The following SLC37A1 variants were observed in gnomAD, a reference collection of about 807,000 sequenced individuals.
SLC37A1 encodes glucose-6-phosphate exchanger SLC37A1.
A neutral mutation model predicts 75.3 loss-of-function variants in SLC37A1; 49 were observed. The observed-to-expected ratio is 0.65, with a 90% CI of 0.52 to 0.83. The LOEUF (loss-of-function observed/expected upper bound fraction) is 0.83, where lower values mean the gene tolerates loss of function less well. Among genes scored for constraint, SLC37A1 ranks in the 40% least tolerant of loss-of-function variants. SLC37A1 has a pLI of 0.00. For synonymous variants in SLC37A1, 268 were observed against 292.1 expected (o/e 0.92, Z 0.84); for missense variants, 566 against 695.0 (o/e 0.81, Z 2.09).
intron 3 of SLC37A1, 189 bp downstream of exon 3, chr21:42,526,046 T>A: frequency 1.8e-6 from 1 of 542,730 alleles, no homozygotes. Flanking sequence ...GTTTTTTGGA[T>A]TTATACTTTC....
At position 42,530,595 on chromosome 21, in the gene SLC37A1, TACACACACACACAC is replaced by T. The variant is rs71190427; in HGVS notation, c.139-4056_139-4043del. ...TAGACAGATCGTCAAATGCAGATGA[TACACACACACACAC>T]ACACACACACACACACACACACACA... On this transcript the variant is annotated intron_variant, in intron 3 of 19. Coordinates refer to ENST00000352133, the MANE Select transcript of SLC37A1 (RefSeq NM_001320537.2). Among the ~76,000 whole-genome samples the T allele has an allele frequency of 3.3e-3, 345 of 103,216 alleles. 3 individuals carry two copies. The highest frequency in any genetic ancestry group is 8.4e-3 in the East Asian group (29 of 3,436). 67.7% of individuals were successfully genotyped at this position (103,216 alleles called of 152,430 possible).
chr21:42,519,979 T>C (rs1177329390), intron 2 of SLC37A1, among the ~76,000 whole-genome samples: 1 of 152,088 alleles, frequency 6.6e-6, no homozygotes, highest in Admixed American at 6.5e-5. Flanking sequence ...TGTGTGTGTG[T>C]GTGTGCATGT....
At chr21:42,570,697 TAA>T (rs1271486709) in intron 17 of SLC37A1, among the ~76,000 whole-genome samples, 1 of 152,050 alleles carries the variant, frequency 6.6e-6, no homozygotes, top group East Asian at 1.9e-4. Context: ...AGGATCAGCA[TAA>T]AAAAAGAGAA....
chr21:42,518,448 G>A lies in SLC37A1; in HGVS notation c.-7G>A, dbSNP rs778841106. 2.5e-6 allele frequency: 4 copies of A among 1,614,118 alleles called. No individual in the cohort carries two copies. Among genetic ancestry groups the A allele is most frequent in the Non-Finnish European group, 2.5e-6 (3 of 1,180,016 alleles). ...CGACCGAGGCTCAGTGGTCAGTGGC[G>A]ACGTAAATGGCTCGACTCCCCGCTG... is the stretch of plus-strand genomic sequence containing the variant. On this transcript the variant is annotated 5_prime_UTR_variant, in exon 2 of 20. Transcript: ENST00000352133.
intron 11 of SLC37A1, chr21:42,561,678 T>A (rs2055833170): frequency 5.3e-6 from 1 of 190,366 alleles, no homozygotes; most frequent in Non-Finnish European, 1.1e-5. Flanking sequence ...GACTCTGATG[T>A]AAAGACACTG....
At chr21:42,573,443 C>G (rs1163587602) in intron 17 of SLC37A1, among the ~76,000 whole-genome samples, 1 of 152,146 alleles carries the variant, frequency 6.6e-6, no homozygotes, top group African/African-American at 2.4e-5. Flanking sequence ...ACACTGGAGG[C>G]TGTGTTAGCT....
intron 8 of SLC37A1, among the ~76,000 whole-genome samples, chr21:42,546,229 C>T (rs1404312992): frequency 6.6e-6 from 1 of 152,200 alleles, no homozygotes; most frequent in Admixed American, 6.5e-5. Flanking sequence ...TCTGGGTTCC[C>T]GCATTGCTCG....
At chr21:42,578,675 C>G (rs757088667) in intron 18 of SLC37A1, among the ~76,000 whole-genome samples, 1 of 152,212 alleles carries the variant, frequency 6.6e-6, no homozygotes, top group African/African-American at 2.4e-5. Flanking sequence ...ACCTAATTGT[C>G]GCAAACACCT....
At chr21:42,535,249 C>G (rs750615984) in intron 4 of SLC37A1, among the ~76,000 whole-genome samples, 1 of 152,230 alleles carries the variant, frequency 6.6e-6, no homozygotes, top group Non-Finnish European at 1.5e-5. Flanking sequence ...ATCTGAATGA[C>G]GCCTGTATTA....
At chr21:42,517,524 A>C (rs538595806) in intron 1 of SLC37A1, among the ~76,000 whole-genome samples, 3 of 152,224 alleles carry the variant, frequency 2.0e-5, no homozygotes, top group Non-Finnish European at 4.4e-5. Flanking sequence ...GAGGGAGGCA[A>C]AAGTGAATGT....
At position 42,548,917 on chromosome 21, in the gene SLC37A1, G is replaced by A. The variant is rs999255571; in HGVS notation, c.768+1777G>A. ...CTGTCTTTTCATACCTCGGGCTCCT[G>A]GGTGTGATTCATATGGAAAGAAGGG... On this transcript the variant is annotated intron_variant, in intron 9 of 19. Coordinates refer to ENST00000352133, the MANE Select transcript of SLC37A1 (RefSeq NM_001320537.2). This position sits in a 1 kb window ranked among gnomAD's most constrained non-coding sequence, Gnocchi z 5.6. Among the ~76,000 whole-genome samples the A allele has an allele frequency of 6.6e-6, 1 of 152,164 alleles. No homozygotes were observed. Among genetic ancestry groups the A allele is most frequent in the Non-Finnish European group, 1.5e-5 (1 of 68,032 alleles).
chr21:42,515,376 T>G lies in SLC37A1; in HGVS notation c.-179+659T>G, dbSNP rs543018676. On this transcript the variant is annotated intron_variant, in intron 1 of 19. Coordinates refer to ENST00000352133, the MANE Select transcript of SLC37A1 (RefSeq NM_001320537.2). ...AAAGTGAGACCCAGTTAAAAAAAAA[T>G]GTCATAAAGTAGATTATTTAAAATA... Among the ~76,000 whole-genome samples, 15 of 152,026 alleles carry G rather than the reference T, an allele frequency of 9.9e-5. No homozygotes were observed. The East Asian group carries it at 2.9e-3, about 29-fold the overall frequency.
At chr21:42,501,995 A>T (rs2054346116) in intron 1 of SLC37A1, among the ~76,000 whole-genome samples, 1 of 152,198 alleles carries the variant, frequency 6.6e-6, no homozygotes, top group Non-Finnish European at 1.5e-5. Flanking sequence ...TTCCCAGAAT[A>T]AGGCTCCCCC....
intron 18 of SLC37A1, chr21:42,576,062 G>C: frequency 4.8e-6 from 3 of 631,288 alleles, no homozygotes; most frequent in South Asian, 1.4e-4. Context: ...CCAGGAGCCA[G>C]AATTGTAAAG....
At chr21:42,575,078 G>A (rs1028284170) in intron 18 of SLC37A1, 163 bp downstream of exon 18, 4 of 981,738 alleles carry the variant, frequency 4.1e-6, no homozygotes, top group Non-Finnish European at 4.8e-6. Context: ...TTCTCTCTCT[G>A]ATTAGAAAAA....
At chr21:42,511,076 A>T (rs1007896177), upstream of SLC37A1, among the ~76,000 whole-genome samples, 1 of 152,246 alleles carries the variant, frequency 6.6e-6, no homozygotes, top group African/African-American at 2.4e-5. Flanking sequence ...TCTAGGATAG[A>T]TCATATGTTA....
At chr21:42,564,914 C>T in intron 14 of SLC37A1, 121 bp downstream of exon 14, 1 of 841,970 alleles carries the variant, frequency 1.2e-6, no homozygotes, top group South Asian at 1.6e-5. Flanking sequence ...CCGCTTCATT[C>T]CCTCTCATGC....
chr21:42,515,156 T>A (rs2054499444), intron 1 of SLC37A1, among the ~76,000 whole-genome samples: 1 of 152,130 alleles, frequency 6.6e-6, no homozygotes, highest in Non-Finnish European at 1.5e-5. Context: ...TCCTTGTACT[T>A]CAGCCAAGGG....
At chr21:42,568,506 G>T in intron 17 of SLC37A1, 68 bp downstream of exon 17, 1 of 1,469,932 alleles carries the variant, frequency 6.8e-7, no homozygotes, top group South Asian at 1.2e-5. Context: ...ACATGCTCGT[G>T]AACAGGTACC....
Sources: allele counts gnomAD v4.1 joint callset (sites outside exome capture counted in the v4.1 genomes callset), GRCh38; gene constraint gnomAD v4.1.1; non-coding constraint Gnocchi (gnomAD v3.1); transcripts MANE v1.5; gene names NCBI Gene and HGNC (gene_info 2026-07-23, HGNC 2026-07-21).